TRIM49: variants seen among roughly 807,000 people sequenced by gnomAD.
The protein encoded by TRIM49 is tripartite motif-containing protein 49.
A neutral mutation model predicts 27.4 loss-of-function variants in TRIM49; 5 were observed. The ratio of observed to expected loss-of-function variants is 0.18; its 90% CI spans 0.10 to 0.38. TRIM49 has a LOEUF of 0.38. Among genes scored for constraint, TRIM49 ranks in the 10% least tolerant of loss-of-function variants. The probability of loss-of-function intolerance (pLI) is 1.00; values close to 1 mark genes in which losing one functional copy is unlikely to be tolerated. For synonymous variants in TRIM49, 69 were observed against 166.0 expected, an observed-to-expected ratio of 0.42 and a Z score of 4.49; for missense variants, 188 against 487.5, an observed-to-expected ratio of 0.39 and a Z score of 5.79.
At chr11:89,769,421 T>C in the TRIM49 span, among the ~76,000 whole-genome samples, 21 of 137,052 alleles carry the variant, frequency 1.5e-4, 5 homozygotes, top group South Asian at 6.7e-4. Context: ...TGTCATGCCA[T>C]GTTAGACACA....
the TRIM49 span, chr11:89,785,890 T>C: frequency 7.0e-6 from 1 of 143,732 alleles, no homozygotes; most frequent in Non-Finnish European, 1.5e-5. Flanking sequence ...GCAGGGACCT[T>C]GGCGGGCACT....
At chr11:89,770,902 G>A in the TRIM49 span, among the ~76,000 whole-genome samples, 2 of 133,880 alleles carry the variant, frequency 1.5e-5, no homozygotes, top group Non-Finnish European at 3.1e-5. Context: ...ATCAATTTTT[G>A]TCTATGATTC....
downstream of TRIM49, among the ~76,000 whole-genome samples, chr11:89,794,075 G>A (rs1328203455): frequency 2.2e-5 from 3 of 138,594 alleles, no homozygotes; most frequent in African/African-American, 5.4e-5. Context: ...AAAATCACAA[G>A]CATTCTTATA....
the TRIM49 span, chr11:89,786,407 G>A: frequency 7.6e-5 from 11 of 144,738 alleles, no homozygotes; most frequent in Middle Eastern, 2.6e-3. Context: ...GGCAGGAACT[G>A]CCCCTGGCCC....
downstream of TRIM49, among the ~76,000 whole-genome samples, chr11:89,795,831 C>A (rs1949684011): frequency 6.6e-6 from 1 of 151,592 alleles, no homozygotes; most frequent in Non-Finnish European, 1.5e-5. Context: ...CACATGTATA[C>A]ATATGTAACA....
chr11:89,794,305 A>G (rs1233658848), downstream of TRIM49, among the ~76,000 whole-genome samples: 2 of 124,428 alleles, frequency 1.6e-5, no homozygotes, highest in East Asian at 2.6e-4. Context: ...GAAAATGGCT[A>G]TACTGCCCAA....
rs202037040 is a variant in TRIM49, at chr11:89,798,645, A to G, written c.860-16T>C. ...GTAATATGCACTGCAAAAAAAAAAA[A>G]AAAGAAAACATGCATAGACATGTGT... is the stretch of plus-strand genomic sequence containing the variant. On this transcript the variant is annotated splice_polypyrimidine_tract_variant and intron_variant, in intron 7 of 7. Transcript: ENST00000329758. 1.2e-5 allele frequency: 18 copies of G among 1,518,878 alleles called. 1 individual carries two copies. The highest frequency in any genetic ancestry group is 3.6e-4 in the Middle Eastern group (2 of 5,624). 94.1% of individuals were successfully genotyped at this position (1,518,878 alleles called of 1,614,324 possible). A position where few individuals can be genotyped will look rare whatever the true frequency, so the allele number is the denominator to read the frequency against.
the TRIM49 span, among the ~76,000 whole-genome samples, chr11:89,790,467 G>C: frequency 6.6e-6 from 1 of 151,746 alleles, no homozygotes; most frequent in Non-Finnish European, 1.5e-5. Flanking sequence ...CCTCAAGTTG[G>C]TCCCTGAGTA....
the TRIM49 span, among the ~76,000 whole-genome samples, chr11:89,772,792 A>G: frequency 7.6e-6 from 1 of 131,516 alleles, no homozygotes; most frequent in Non-Finnish European, 1.5e-5. Context: ...TGTGAATTCT[A>G]TTAATCTTTT....
At chr11:89,777,429 A>G in the TRIM49 span, 27 of 1,532,058 alleles carry the variant, frequency 1.8e-5, no homozygotes, top group East Asian at 2.5e-4. Context: ...ACAGAATCCC[A>G]AATAAGAATG....
chr11:89,773,077 G>A, the TRIM49 span, among the ~76,000 whole-genome samples: 1 of 136,772 alleles, frequency 7.3e-6, no homozygotes, highest in African/African-American at 3.3e-5. Flanking sequence ...TGTAATCCCA[G>A]CTACTCGGGA....
chr11:89,794,520 G>A (rs147479730), downstream of TRIM49, among the ~76,000 whole-genome samples: 1,320 of 151,236 alleles, frequency 8.7e-3, no homozygotes, highest in Admixed American at 0.066. Flanking sequence ...AAACAGCATC[G>A]GACTCGTGCC....
chr11:89,800,103 T>C (rs1949722919), intron 6 of TRIM49, among the ~76,000 whole-genome samples: 1 of 150,630 alleles, frequency 6.6e-6, no homozygotes, highest in East Asian at 1.9e-4. Context: ...AAATTCTGAG[T>C]TCCACTTCTT....
At chr11:89,782,079 A>G in the TRIM49 span, 3,624 of 1,548,828 alleles carry the variant, frequency 2.3e-3, 1 homozygote, top group Non-Finnish European at 2.9e-3. Flanking sequence ...CTCTCCTCCA[A>G]CTGGATTCTG....
intron 6 of TRIM49, among the ~76,000 whole-genome samples, chr11:89,800,088 A>T (rs1949722819): frequency 6.6e-6 from 1 of 150,462 alleles, no homozygotes; most frequent in East Asian, 1.9e-4. Context: ...GAATATTTAG[A>T]AACGAAATTC....
chr11:89,802,506 A>G (rs2134641006), intron 4 of TRIM49, among the ~76,000 whole-genome samples: 1 of 151,102 alleles, frequency 6.6e-6, no homozygotes, highest in African/African-American at 2.5e-5. Context: ...GCCTCCAAAT[A>G]TACACAAACT....
chr11:89,776,865 G>A, the TRIM49 span: 4 of 982,030 alleles, frequency 4.1e-6, no homozygotes, highest in Non-Finnish European at 4.5e-6. Flanking sequence ...TCGACATGTT[G>A]GACAGAGCTC....
chr11:89,790,464 T>C, the TRIM49 span, among the ~76,000 whole-genome samples: 1 of 151,776 alleles, frequency 6.6e-6, no homozygotes, highest in African/African-American at 2.4e-5. Context: ...CCTCCTCAAG[T>C]TGGTCCCTGA....
chr11:89,795,730 C>A (rs1167131954), downstream of TRIM49, among the ~76,000 whole-genome samples: 454 of 112,652 alleles, frequency 4.0e-3, no homozygotes, highest in African/African-American at 0.015. Context: ...CACATAGGGG[C>A]CTGTTATGGG....
Sources: allele counts gnomAD v4.1 joint callset (sites outside exome capture counted in the v4.1 genomes callset), GRCh38; gene constraint gnomAD v4.1.1; transcripts MANE v1.5; gene names NCBI Gene and HGNC (gene_info 2026-07-23, HGNC 2026-07-21).